The following BMP2K variants were observed in gnomAD, a reference collection of about 807,000 sequenced individuals.
BMP2K encodes BMP2 inducible kinase, also known as BMP-2-inducible protein kinase.
In BMP2K, 74 loss-of-function variants were observed where a neutral mutation model predicts 116.0. That is an observed-to-expected ratio of 0.64 (90% confidence interval 0.53 to 0.77). The LOEUF is 0.77. Among genes scored for constraint, BMP2K ranks in the 30% least tolerant of loss-of-function variants. BMP2K has a pLI of 0.00. For missense variants in BMP2K, 1,365 were observed against 1,403.6 expected, an observed-to-expected ratio of 0.97 and a Z score of 0.44; for synonymous variants, 486 against 502.5, an observed-to-expected ratio of 0.97 and a Z score of 0.44.
intron 1 of BMP2K, among the ~76,000 whole-genome samples, chr4:78,794,563 G>T (rs550862218): frequency 6.6e-6 from 1 of 152,174 alleles, no homozygotes; most frequent in East Asian, 1.9e-4. Context: ...TGTTAAAGTG[G>T]TAATCATTCT....
At chr4:78,808,081 G>A (rs1362251311) in intron 1 of BMP2K, among the ~76,000 whole-genome samples, 3 of 151,322 alleles carry the variant, frequency 2.0e-5, no homozygotes, top group African/African-American at 7.3e-5. Context: ...TCGAGATGGA[G>A]TCTCGCTCTG....
intron 1 of BMP2K, among the ~76,000 whole-genome samples, chr4:78,805,134 G>A (rs1183577666): frequency 6.6e-6 from 1 of 152,148 alleles, no homozygotes; most frequent in Non-Finnish European, 1.5e-5. Context: ...CATGTTAATA[G>A]CCAGTTGTTC....
At chr4:78,814,419 C>T (rs1729232673) in intron 1 of BMP2K, among the ~76,000 whole-genome samples, 1 of 152,186 alleles carries the variant, frequency 6.6e-6, no homozygotes, top group Non-Finnish European at 1.5e-5. Context: ...CAAATCCCAT[C>T]TTGAATTGTA....
intron 2 of BMP2K, among the ~76,000 whole-genome samples, chr4:78,829,544 G>A (rs10018189): frequency 0.46 from 70,434 of 151,550 alleles, 21,178 homozygotes; most frequent in African/African-American, 0.87. Flanking sequence ...TCCTCCTATG[G>A]GTCACAAATG....
At chr4:78,850,413 A>G (rs1449777220) in intron 6 of BMP2K, among the ~76,000 whole-genome samples, 2 of 151,884 alleles carry the variant, frequency 1.3e-5, no homozygotes, top group Non-Finnish European at 2.9e-5. Flanking sequence ...ATCTAGAAAC[A>G]CAGAACTTAA....
At chr4:78,866,480 T>C (rs2110052811) in intron 10 of BMP2K, among the ~76,000 whole-genome samples, 1 of 152,288 alleles carries the variant, frequency 6.6e-6, no homozygotes, top group African/African-American at 2.4e-5. Context: ...TTTTTAGTAA[T>C]ATAGCTTCTA....
chr4:78,907,877 G>T (rs1734366303), intron 15 of BMP2K, among the ~76,000 whole-genome samples: 1 of 152,132 alleles, frequency 6.6e-6, no homozygotes, highest in South Asian at 2.1e-4. Flanking sequence ...TGTGGCTGTG[G>T]GTGGGTATGC....
At position 78,829,139 on chromosome 4, in the gene BMP2K, A is replaced by G. The variant is rs560728032; in HGVS notation, c.297+2984A>G. ...ATGAAAGCTTTTTCTGTAGCATGCA[A>G]TACTGTTTGATAGCACTTTATCCAC... is the stretch of plus-strand genomic sequence containing the variant. On this transcript the variant is annotated intron_variant, in intron 2 of 15. Coordinates refer to ENST00000502613, the MANE Select transcript of BMP2K (RefSeq NM_198892.2). Among the ~76,000 whole-genome samples, 10 of 152,328 alleles carry G rather than the reference A, an allele frequency of 6.6e-5. No homozygotes were observed. In the East Asian group the frequency reaches 1.9e-3, roughly 29 times the overall value.
At chr4:78,782,782 G>A (rs1181243119) in intron 1 of BMP2K, among the ~76,000 whole-genome samples, 3 of 152,176 alleles carry the variant, frequency 2.0e-5, no homozygotes, top group Non-Finnish European at 4.4e-5. Flanking sequence ...TACATTTTGT[G>A]GTTAATTTTG....
At position 78,816,811 on chromosome 4, in the gene BMP2K, A is replaced by G. The variant is rs142112348; in HGVS notation, c.179-9226A>G. ...GGTTAATTCATAGGTAACTGGACAC[A>G]TTGATTATTCATCGTGTATTTACTA... On this transcript the variant is annotated intron_variant, in intron 1 of 15. Coordinates refer to ENST00000502613, the MANE Select transcript of BMP2K (RefSeq NM_198892.2). Among the ~76,000 whole-genome samples the G allele has an allele frequency of 4.2e-3, 643 of 152,324 alleles. 5 individuals carry two copies. The highest frequency in any genetic ancestry group is 0.017 in the Middle Eastern group (5 of 294).
chr4:78,801,129 C>T (rs943920183), intron 1 of BMP2K, among the ~76,000 whole-genome samples: 1 of 152,138 alleles, frequency 6.6e-6, no homozygotes, highest in Non-Finnish European at 1.5e-5. Context: ...TTACCCATAG[C>T]TCTATTTCTG....
At chr4:78,781,782 GA>G (rs767398164) in intron 1 of BMP2K, among the ~76,000 whole-genome samples, 12 of 152,264 alleles carry the variant, frequency 7.9e-5, no homozygotes, top group Middle Eastern at 6.8e-3. Flanking sequence ...ATGTCTGAGT[GA>G]GGCCCACTCT....
At chr4:78,786,630 T>G (rs1727745162) in intron 1 of BMP2K, among the ~76,000 whole-genome samples, 1 of 152,164 alleles carries the variant, frequency 6.6e-6, no homozygotes, top group Non-Finnish European at 1.5e-5. Flanking sequence ...TATGTTGTTA[T>G]GTTTGCCCAG....
At chr4:78,891,712 T>G (rs1733449851) in intron 15 of BMP2K, among the ~76,000 whole-genome samples, 1 of 152,238 alleles carries the variant, frequency 6.6e-6, no homozygotes, top group Admixed American at 6.5e-5. Flanking sequence ...TGCCACACCT[T>G]TTCTTCTCTT....
At chr4:78,847,857 T>C (rs2110029426) in intron 6 of BMP2K, among the ~76,000 whole-genome samples, 1 of 151,820 alleles carries the variant, frequency 6.6e-6, no homozygotes, top group Admixed American at 6.6e-5. Flanking sequence ...TTTGTGATTG[T>C]ACTTAATAAA....
chr4:78,826,674 C>T (rs1331952183), intron 2 of BMP2K, among the ~76,000 whole-genome samples: 1 of 152,138 alleles, frequency 6.6e-6, no homozygotes, highest in Admixed American at 6.5e-5. Context: ...TCTGCAGATG[C>T]TCAAATCTGA....
Position 78,833,608 on chromosome 4 carries a change from T to A in BMP2K, c.324T>A (p.Ile108=). Residue 108 remains isoleucine (I), a synonymous_variant, in exon 3 of 16, where the codon ATT becomes ATA. Transcript: ENST00000502613. ...AAGAGCTATCTGGTCACAAAAATAT[T>A]GTGGGCTATTTGGACTGTGCTGTTA... is the stretch of plus-strand genomic sequence containing the variant. ...IMKELSGHKN[I]VGYLDCAVNS... The A allele has an allele frequency of 1.3e-6, 2 of 1,599,334 alleles. No homozygotes were observed. The highest frequency in any genetic ancestry group is 4.5e-5 in the East Asian group (2 of 44,302).
chr4:78,828,858 T>C (rs573833526), intron 2 of BMP2K, among the ~76,000 whole-genome samples: 33 of 152,354 alleles, frequency 2.2e-4, no homozygotes, highest in African/African-American at 7.2e-4. Flanking sequence ...TGCTTTGATG[T>C]TGAAGGCTGC....
At chr4:78,849,771 T>A (rs1392618921) in intron 6 of BMP2K, among the ~76,000 whole-genome samples, 1 of 151,752 alleles carries the variant, frequency 6.6e-6, no homozygotes, top group African/African-American at 2.4e-5. Context: ...TTTTTTGAAC[T>A]AACATTTTGA....
Sources: allele counts gnomAD v4.1 joint callset (sites outside exome capture counted in the v4.1 genomes callset), GRCh38; gene constraint gnomAD v4.1.1; transcripts MANE v1.5; gene names NCBI Gene and HGNC (gene_info 2026-07-23, HGNC 2026-07-21).